The following CFAP70 variants were observed in gnomAD, a reference collection of about 807,000 sequenced individuals.
CFAP70 encodes cilia- and flagella-associated protein 70.
CFAP70 carries 81 observed loss-of-function variants against 137.6 expected under a neutral mutation model. The ratio of observed to expected loss-of-function variants is 0.59; its 90% CI spans 0.49 to 0.71. The LOEUF (loss-of-function observed/expected upper bound fraction) is 0.71, where lower values mean the gene tolerates loss of function less well. Ranked by LOEUF, CFAP70 falls within the 30% of genes least tolerant of loss-of-function variation. The pLI, the probability that CFAP70 is intolerant of heterozygous loss-of-function variation, is 0.00. For missense variants in CFAP70, 976 were observed against 1,226.7 expected (o/e 0.80, Z 3.05); for synonymous variants, 382 against 423.6 (o/e 0.90, Z 1.20).
At chr10:73,319,331 TG>T (rs1219110568) in intron 9 of CFAP70, among the ~76,000 whole-genome samples, 1 of 152,166 alleles carries the variant, frequency 6.6e-6, no homozygotes, top group East Asian at 1.9e-4. Context: ...AACTTCTTCC[TG>T]GGGTGCTTGG....
chr10:73,358,237 G>C (rs909798665), intron 1 of CFAP70, among the ~76,000 whole-genome samples: 1 of 152,238 alleles, frequency 6.6e-6, no homozygotes, highest in African/African-American at 2.4e-5. Flanking sequence ...ACCATGTCTT[G>C]TACACAACAG....
chr10:73,278,676 G>A (rs1307155713), intron 19 of CFAP70, among the ~76,000 whole-genome samples: 1 of 152,038 alleles, frequency 6.6e-6, no homozygotes, highest in African/African-American at 2.4e-5. Context: ...GTTTGTTTCA[G>A]TTGGGTTAAG....
At chr10:73,306,463 T>G (rs544100706) in intron 12 of CFAP70, among the ~76,000 whole-genome samples, 4 of 152,300 alleles carry the variant, frequency 2.6e-5, no homozygotes, top group African/African-American at 9.6e-5. Context: ...AGGTGTGACT[T>G]GTCACATACA....
intron 9 of CFAP70, among the ~76,000 whole-genome samples, chr10:73,319,707 G>A (rs1029469461): frequency 5.3e-5 from 8 of 152,276 alleles, no homozygotes; most frequent in African/African-American, 1.7e-4. Flanking sequence ...GTGCATATAT[G>A]TGGTTTTACT....
At chr10:73,274,690 C>A (rs2046562936) in intron 22 of CFAP70, 96 bp from the exon 24 acceptor site, 1 of 1,140,790 alleles carries the variant, frequency 8.8e-7, no homozygotes, top group African/African-American at 1.6e-5. Context: ...ATAGATTGTC[C>A]ATTTCCTTTC....
At chr10:73,269,575 G>T in intron 25 of CFAP70, 39 bp downstream of exon 26, 1 of 1,470,600 alleles carries the variant, frequency 6.8e-7, no homozygotes, top group Non-Finnish European at 9.5e-7. Flanking sequence ...TCACCTCTGT[G>T]CCCTAAAAGG....
At chr10:73,302,877 T>C (rs2049056600) in intron 12 of CFAP70, among the ~76,000 whole-genome samples, 1 of 135,482 alleles carries the variant, frequency 7.4e-6, no homozygotes, top group East Asian at 2.3e-4. Flanking sequence ...TTTTTTCTTT[T>C]CTTTTCTTTT....
chr10:73,345,221 T>C (rs1452799766), intron 4 of CFAP70: 4 of 1,614,042 alleles, frequency 2.5e-6, no homozygotes, highest in East Asian at 2.2e-5. Flanking sequence ...CTGCCACTAA[T>C]ACTTTAACTT....
intron 6 of CFAP70, among the ~76,000 whole-genome samples, chr10:73,338,612 G>A (rs1440282310): frequency 3.3e-5 from 5 of 149,848 alleles, no homozygotes; most frequent in Non-Finnish European, 7.4e-5. Context: ...TGTATTTTTA[G>A]TAGAGATGGG....
intron 1 of CFAP70, 37 bp from the exon 2 acceptor site, chr10:73,354,872 C>T: frequency 2.4e-6 from 3 of 1,251,834 alleles, no homozygotes; most frequent in Non-Finnish European, 3.5e-6. Flanking sequence ...CCCTCATGTA[C>T]CACAGCTGCA....
intron 12 of CFAP70, among the ~76,000 whole-genome samples, chr10:73,306,791 T>C (rs969599753): frequency 6.6e-6 from 1 of 152,098 alleles, no homozygotes; most frequent in African/African-American, 2.4e-5. Flanking sequence ...CAATCCCAGA[T>C]AAACAAAATT....
At chr10:73,313,542 CAAAA>C (rs35177327) in intron 9 of CFAP70, among the ~76,000 whole-genome samples, 3 of 90,302 alleles carry the variant, frequency 3.3e-5, no homozygotes, top group Non-Finnish European at 2.4e-5. Flanking sequence ...GACTCTGTCT[CAAAA>C]AAAAAAAAAA....
intron 24 of CFAP70, among the ~76,000 whole-genome samples, chr10:73,272,330 G>A (rs1299137861): frequency 2.0e-5 from 3 of 151,792 alleles, no homozygotes; most frequent in Non-Finnish European, 2.9e-5. Flanking sequence ...GAGACAGAGC[G>A]AGACTCCATC....
exon 14 of CFAP70, chr10:73,299,066 A>G: frequency 6.2e-7 from 1 of 1,613,888 alleles, no homozygotes; most frequent in South Asian, 1.1e-5. Context: ...TGGCTCTAGA[A>G]ATATTCTTGA....
intron 19 of CFAP70, among the ~76,000 whole-genome samples, chr10:73,287,642 A>T (rs2047835881): frequency 1.3e-5 from 2 of 152,158 alleles, no homozygotes; most frequent in Admixed American, 6.5e-5. Flanking sequence ...CAAAATGAGG[A>T]AGCAAAGTAT....
chr10:73,341,630 A>T, intron 5 of CFAP70, 49 bp from the exon 7 acceptor site: 1 of 1,475,498 alleles, frequency 6.8e-7, no homozygotes, highest in Non-Finnish European at 9.4e-7. Flanking sequence ...AGGACTTTGA[A>T]ATGGACAAGA....
intron 12 of CFAP70, among the ~76,000 whole-genome samples, chr10:73,306,823 C>A (rs2132048776): frequency 6.6e-6 from 1 of 152,234 alleles, no homozygotes; most frequent in African/African-American, 2.4e-5. Context: ...ATAACAGGAC[C>A]TACCTCATAA....
chr10:73,305,767 A>G (rs1209560692), intron 12 of CFAP70, among the ~76,000 whole-genome samples: 1 of 152,226 alleles, frequency 6.6e-6, no homozygotes, highest in African/African-American at 2.4e-5. Flanking sequence ...CCAGTTTTCA[A>G]CGATGATAAA....
chr10:73,260,966 T>C (rs1181797031), intron 25 of CFAP70, among the ~76,000 whole-genome samples: 2 of 152,202 alleles, frequency 1.3e-5, no homozygotes, highest in African/African-American at 2.4e-5. Flanking sequence ...TAGCTAGATA[T>C]AGAGAAGTAG....
Sources: allele counts gnomAD v4.1 joint callset (sites outside exome capture counted in the v4.1 genomes callset), GRCh38; gene constraint gnomAD v4.1.1; transcripts MANE v1.5; gene names NCBI Gene and HGNC (gene_info 2026-07-23, HGNC 2026-07-21).